The following LRRC40 variants were observed in gnomAD, a reference collection of about 807,000 sequenced individuals.
The protein encoded by LRRC40 is leucine rich repeat containing 40, also known as leucine-rich repeat-containing protein 40.
Under a neutral mutation model 72.8 loss-of-function variants are expected in LRRC40, and 76 were observed. That is an observed-to-expected ratio of 1.04 (90% confidence interval 0.87 to 1.26). The LOEUF is 1.26. Ranked by LOEUF, LRRC40 falls within the 50% of genes most tolerant of loss-of-function variation. The pLI, the probability that LRRC40 is intolerant of heterozygous loss-of-function variation, is 0.00. For synonymous variants in LRRC40, 243 were observed against 254.2 expected (o/e 0.96, Z 0.42); for missense variants, 684 against 698.9 (o/e 0.98, Z 0.24).
intron 13 of LRRC40, among the ~76,000 whole-genome samples, chr1:70,149,847 A>C (rs1245708660): frequency 1.3e-5 from 2 of 152,242 alleles, no homozygotes; most frequent in East Asian, 1.9e-4. Flanking sequence ...TATAAGGATT[A>C]AATGAATGTA....
intron 3 of LRRC40, among the ~76,000 whole-genome samples, chr1:70,186,132 A>T (rs1454423803): frequency 6.6e-6 from 1 of 152,126 alleles, no homozygotes; most frequent in African/African-American, 2.4e-5. Context: ...CTTGATAGGG[A>T]TCTAACTGGG....
At chr1:70,190,009 T>C (rs1283547384) in intron 1 of LRRC40, among the ~76,000 whole-genome samples, 27 of 152,238 alleles carry the variant, frequency 1.8e-4, no homozygotes, top group Admixed American at 1.8e-3. Flanking sequence ...CACTGTGTTA[T>C]GCTATTGCAG....
intron 9 of LRRC40, among the ~76,000 whole-genome samples, chr1:70,161,983 G>A (rs1667774468): frequency 6.6e-6 from 1 of 152,170 alleles, no homozygotes; most frequent in African/African-American, 2.4e-5. Context: ...AGTATGTGTT[G>A]AGGGTAATTC....
intron 4 of LRRC40, among the ~76,000 whole-genome samples, chr1:70,181,847 TTAAA>T (rs1212008610): frequency 1.3e-5 from 2 of 152,210 alleles, no homozygotes; most frequent in African/African-American, 4.8e-5. Context: ...TGCTTTTTCT[TTAAA>T]TAGTTTTAAG....
intron 2 of LRRC40, 62 bp downstream of exon 2, chr1:70,189,030 G>A: frequency 1.4e-6 from 2 of 1,425,442 alleles, no homozygotes; most frequent in Admixed American, 4.1e-5. Context: ...TGCTACCAAA[G>A]CCTAAATTTA....
intron 9 of LRRC40, among the ~76,000 whole-genome samples, chr1:70,163,200 T>C (rs1191566104): frequency 2.0e-5 from 3 of 151,950 alleles, no homozygotes; most frequent in East Asian, 3.9e-4. Context: ...CTCAGCCTCT[T>C]GAGTAGCTGG....
At chr1:70,152,409 T>G (rs1225390726) in intron 12 of LRRC40, 24 bp downstream of exon 12, 1 of 1,163,476 alleles carries the variant, frequency 8.6e-7, no homozygotes, top group Non-Finnish European at 1.3e-6. Flanking sequence ...TTTTAAAAAG[T>G]CAAGCAATAG....
At position 70,201,998 on chromosome 1, in the gene LRRC40, T is replaced by G. The variant is rs1668751335; in HGVS notation, c.151+3392A>C. Among the ~76,000 whole-genome samples, 3 of 151,762 alleles carry G rather than the reference T, an allele frequency of 2.0e-5. No homozygotes were observed. In the South Asian group the frequency reaches 6.3e-4, roughly 32 times the overall value. On this transcript the variant is annotated intron_variant, in intron 1 of 14. Transcript: ENST00000370952. ...GTCTCAAAAATAAAATAAAATAAAA[T>G]AAAATAACGAAATACACCCACTAAA... is the stretch of plus-strand genomic sequence containing the variant.
chr1:70,187,357 C>CA lies in LRRC40; in HGVS notation c.334-20dup, dbSNP rs1406513726. The stretch of plus-strand genomic sequence containing the variant: ...CATGTATCTAAAAGTTTTTAAAAGA[C>CA]AAAGTCAATATTCTTAGTCTTATCA... On this transcript the variant is annotated intron_variant, in intron 2 of 14. Coordinates refer to ENST00000370952, the MANE Select transcript of LRRC40 (RefSeq NM_017768.5). 1.6e-6 allele frequency: 2 copies of CA among 1,239,940 alleles called. No individual in the cohort carries two copies. Among genetic ancestry groups the CA allele is most frequent in the Non-Finnish European group, 2.4e-6 (2 of 850,118 alleles). The allele number at this position is 1,239,940 out of a possible 1,614,324, so 76.8% of individuals were successfully genotyped here. A position where few individuals can be genotyped will look rare whatever the true frequency, so the allele number is the denominator to read the frequency against.
At chr1:70,182,320 G>A (rs573469320) in intron 4 of LRRC40, among the ~76,000 whole-genome samples, 3 of 151,906 alleles carry the variant, frequency 2.0e-5, no homozygotes, top group Non-Finnish European at 4.4e-5. Context: ...ACAAAAACAA[G>A]GACATTAGTG....
intron 3 of LRRC40, among the ~76,000 whole-genome samples, chr1:70,185,848 T>C (rs1373655604): frequency 6.6e-6 from 1 of 152,182 alleles, no homozygotes; most frequent in Admixed American, 6.5e-5. Context: ...GATGATAGAC[T>C]TCATGATAAT....
chr1:70,176,777 C>G (rs1668115582), intron 6 of LRRC40, among the ~76,000 whole-genome samples: 1 of 151,774 alleles, frequency 6.6e-6, no homozygotes, highest in African/African-American at 2.4e-5. Context: ...TTTGAAAACA[C>G]TTGCAAACCA....
chr1:70,198,575 G>T (rs1005606191), intron 1 of LRRC40, among the ~76,000 whole-genome samples: 2 of 152,102 alleles, frequency 1.3e-5, no homozygotes, highest in African/African-American at 4.8e-5. Flanking sequence ...AAAAAGAGCT[G>T]TCACTTACAT....
intron 1 of LRRC40, among the ~76,000 whole-genome samples, chr1:70,192,477 A>G (rs1019563007): frequency 1.3e-5 from 2 of 152,152 alleles, no homozygotes; most frequent in East Asian, 3.9e-4. Context: ...CATACCCAAA[A>G]GAATATAAGT....
chr1:70,160,785 T>C (rs1307041819), intron 9 of LRRC40, among the ~76,000 whole-genome samples: 1 of 152,168 alleles, frequency 6.6e-6, no homozygotes, highest in Non-Finnish European at 1.5e-5. Flanking sequence ...TTTCATTATA[T>C]ATCTTTGCGT....
intron 6 of LRRC40, among the ~76,000 whole-genome samples, chr1:70,177,048 G>A (rs746724839): frequency 7.2e-5 from 11 of 152,176 alleles, no homozygotes; most frequent in Non-Finnish European, 1.0e-4. Context: ...GGTGGAGACA[G>A]GCGGATCACC....
intron 1 of LRRC40, among the ~76,000 whole-genome samples, chr1:70,192,218 C>CT (rs2100337876): frequency 6.6e-6 from 1 of 152,080 alleles, no homozygotes; most frequent in East Asian, 1.9e-4. Flanking sequence ...GTATTTTATT[C>CT]TTTTTGCAGC....
At chr1:70,177,313 A>G (rs181948090) in intron 6 of LRRC40, among the ~76,000 whole-genome samples, 35 of 152,284 alleles carry the variant, frequency 2.3e-4, no homozygotes, top group Non-Finnish European at 5.0e-4. Flanking sequence ...GCCTCAAAAA[A>G]AGAAAAATCA....
chr1:70,194,944 G>A (rs1668577087), intron 1 of LRRC40, among the ~76,000 whole-genome samples: 1 of 151,972 alleles, frequency 6.6e-6, no homozygotes, highest in African/African-American at 2.4e-5. Context: ...TTCAACAAAG[G>A]TGCCAATATA....
Sources: allele counts gnomAD v4.1 joint callset (sites outside exome capture counted in the v4.1 genomes callset), GRCh38; gene constraint gnomAD v4.1.1; transcripts MANE v1.5; gene names NCBI Gene and HGNC (gene_info 2026-07-23, HGNC 2026-07-21).